Variants in POLN observed in about 807,000 individuals in gnomAD.
POLN encodes DNA polymerase N.
Under a neutral mutation model 113.5 loss-of-function variants are expected in POLN, and 108 were observed. That is an observed-to-expected ratio of 0.95 (90% CI 0.81 to 1.12). The LOEUF is 1.12. Among genes scored for constraint, POLN ranks in the 50% most tolerant of loss-of-function variants. The probability of loss-of-function intolerance (pLI) is 0.00; values close to 1 mark genes in which losing one functional copy is unlikely to be tolerated. For missense variants in POLN, 1,097 were observed against 1,077.1 expected (o/e 1.02, Z -0.26); for synonymous variants, 386 against 391.5 (o/e 0.99, Z 0.17).
chr4:2,100,711 C>T (rs1730902281), intron 19 of POLN, among the ~76,000 whole-genome samples: 1 of 152,078 alleles, frequency 6.6e-6, no homozygotes, highest in African/African-American at 2.4e-5. Context: ...GAAAGGTACA[C>T]AAAACTCAAT....
intron 3 of POLN, among the ~76,000 whole-genome samples, chr4:2,223,870 A>G (rs749236836): frequency 2.6e-5 from 4 of 152,246 alleles, no homozygotes; most frequent in Non-Finnish European, 4.4e-5. Context: ...GTGAGTGGGG[A>G]GTAAGTGTGA....
In POLN at chr4:2,093,590, T is replaced by C. The variant is rs544653968; in HGVS notation, c.2065+2261A>G. 2.6e-5 allele frequency among the ~76,000 whole-genome samples: 4 copies of C among 152,298 alleles called. No homozygotes were observed. Among genetic ancestry groups the C allele is most frequent in the East Asian group, 1.9e-4 (1 of 5,182 alleles). Reference sequence around the variant, plus strand: ...GCCGGCAGAGCAGAAGCAAATGTTATGTTTGCAACACAAGATGCAGCAGGA... The same window carrying C: ...GCCGGCAGAGCAGAAGCAAATGTTACGTTTGCAACACAAGATGCAGCAGGA... On this transcript the variant is annotated intron_variant, in intron 20 of 25. Coordinates refer to ENST00000511885, the MANE Select transcript of POLN (RefSeq NM_181808.4). The surrounding 1 kb of genome is among the most constrained non-coding windows in gnomAD (Gnocchi z 4.1).
At chr4:2,169,822 G>A (rs1271233695) in intron 13 of POLN, among the ~76,000 whole-genome samples, 1 of 152,206 alleles carries the variant, frequency 6.6e-6, no homozygotes, top group Non-Finnish European at 1.5e-5. Flanking sequence ...TGAAGAAGAA[G>A]AGGATTTGGA....
chr4:2,095,762 T>C, intron 20 of POLN, 89 bp downstream of exon 20: 1 of 1,224,320 alleles, frequency 8.2e-7, no homozygotes, highest in Non-Finnish European at 1.2e-6. Flanking sequence ...TCACAGACGA[T>C]TTCTGAGGCA....
At chr4:2,224,088 C>A (rs1025235284) in intron 3 of POLN, among the ~76,000 whole-genome samples, 2 of 152,168 alleles carry the variant, frequency 1.3e-5, no homozygotes, top group Non-Finnish European at 2.9e-5. Context: ...CATTGTACAG[C>A]TGAACAAAAA....
intron 7 of POLN, among the ~76,000 whole-genome samples, chr4:2,192,269 T>C (rs777240850): frequency 7.9e-5 from 12 of 152,146 alleles, no homozygotes; most frequent in Non-Finnish European, 1.0e-4. Flanking sequence ...AAAAGAATCA[T>C]ACAGTGAACA....
intron 20 of POLN, among the ~76,000 whole-genome samples, chr4:2,091,835 TCTTCACTCC>T (rs1269022640): frequency 1.1e-4 from 17 of 151,148 alleles, no homozygotes; most frequent in African/African-American, 3.9e-4. Flanking sequence ...GCAGGGACAG[TCTTCACTCC>T]CTTCACTCCC....
intron 13 of POLN, among the ~76,000 whole-genome samples, chr4:2,166,599 G>A (rs1329885901): frequency 6.6e-6 from 1 of 152,178 alleles, no homozygotes. Context: ...CGTCAATGTG[G>A]GCAGGGACTA....
At chr4:2,171,285 G>T in intron 11 of POLN, 104 bp from the exon 12 acceptor site, 1 of 1,013,096 alleles carries the variant, frequency 9.9e-7, no homozygotes, top group Non-Finnish European at 1.5e-6. Flanking sequence ...GGGCACGGTG[G>T]CTTATGCCTG....
intron 7 of POLN, among the ~76,000 whole-genome samples, chr4:2,181,231 G>T (rs1477843461): frequency 6.6e-6 from 1 of 152,082 alleles, no homozygotes; most frequent in East Asian, 1.9e-4. Flanking sequence ...TGCAACCTCT[G>T]CCTCTCAGGT....
intron 21 of POLN, among the ~76,000 whole-genome samples, 198 bp from the exon 22 acceptor site, chr4:2,081,941 T>TC (rs1730431866): frequency 2.0e-5 from 3 of 146,552 alleles, no homozygotes; most frequent in South Asian, 4.3e-4. Flanking sequence ...AGCTGGGCAC[T>TC]CTGCACTTTT....
chr4:2,134,003 A>T (rs1297341485), intron 16 of POLN, among the ~76,000 whole-genome samples: 1 of 152,174 alleles, frequency 6.6e-6, no homozygotes, highest in Non-Finnish European at 1.5e-5. Flanking sequence ...TTACTTATCC[A>T]ACCTCATCCC....
chr4:2,241,528 C>A lies in POLN; in HGVS notation c.-21G>T. ...ATCAACTAAATATTTACCTCAACGT[C>A]TCGCCGGGCAAGGCTCCACCTCCAG... On this transcript the variant is annotated 5_prime_UTR_variant, in exon 2 of 26. Transcript: ENST00000511885. The A allele has an allele frequency of 1.0e-6, 1 of 985,920 alleles. No homozygotes were observed. Among genetic ancestry groups the A allele is most frequent in the Non-Finnish European group, 1.2e-6 (1 of 830,272 alleles). 61.1% of individuals were successfully genotyped at this position (985,920 alleles called of 1,614,324 possible).
chr4:2,204,934 C>T (rs963808766), intron 5 of POLN, among the ~76,000 whole-genome samples: 5 of 152,166 alleles, frequency 3.3e-5, no homozygotes, highest in African/African-American at 1.2e-4. Flanking sequence ...ATACAAGGGA[C>T]ATATCTTAAT....
chr4:2,214,408 A>T (rs190669579), intron 3 of POLN, among the ~76,000 whole-genome samples: 1 of 152,340 alleles, frequency 6.6e-6, no homozygotes, highest in East Asian at 1.9e-4. Context: ...CATCAAAAAG[A>T]AAATAAATGC....
At chr4:2,168,715 C>T (rs879367487) in intron 13 of POLN, among the ~76,000 whole-genome samples, 3 of 152,204 alleles carry the variant, frequency 2.0e-5, no homozygotes, top group Non-Finnish European at 4.4e-5. Flanking sequence ...CTGGGGCATG[C>T]TGCCCATGTC....
At chr4:2,096,751 A>G (rs1481360026) in intron 19 of POLN, among the ~76,000 whole-genome samples, 1 of 151,996 alleles carries the variant, frequency 6.6e-6, no homozygotes, top group Non-Finnish European at 1.5e-5. Context: ...AGAAACAGAA[A>G]AAGTAACAGA....
chr4:2,171,407 A>G (rs78642150), intron 11 of POLN, among the ~76,000 whole-genome samples: 1 of 150,466 alleles, frequency 6.6e-6, no homozygotes, highest in African/African-American at 2.5e-5. Context: ...AAAAAAAAAA[A>G]AAAATTAGCC....
intron 9 of POLN, among the ~76,000 whole-genome samples, 192 bp from the exon 10 acceptor site, chr4:2,174,943 C>G (rs1387287997): frequency 1.3e-5 from 2 of 151,948 alleles, no homozygotes; most frequent in Non-Finnish European, 2.9e-5. Context: ...CTGTCTCAGC[C>G]TCTTGAGTAG....
Sources: allele counts gnomAD v4.1 joint callset (sites outside exome capture counted in the v4.1 genomes callset), GRCh38; gene constraint gnomAD v4.1.1; non-coding constraint Gnocchi (gnomAD v3.1); transcripts MANE v1.5; gene names NCBI Gene and HGNC (gene_info 2026-07-23, HGNC 2026-07-21).